ADGRB3: variants seen among roughly 807,000 people sequenced by gnomAD.
ADGRB3 encodes brain-specific angiogenesis inhibitor 3.
ADGRB3 carries 37 observed loss-of-function variants against 193.4 expected under a neutral mutation model. That is an observed-to-expected ratio of 0.19 (90% CI 0.15 to 0.25). ADGRB3 has a LOEUF of 0.25. ADGRB3 is among the 10% of genes least tolerant of loss of function. ADGRB3 has a pLI of 1.00. For missense variants in ADGRB3, 1,637 were observed against 1,852.9 expected, an observed-to-expected ratio of 0.88 and a Z score of 2.14; for synonymous variants, 690 against 644.2, an observed-to-expected ratio of 1.07 and a Z score of -1.08.
chr6:68,735,480 TA>T (rs1765853917), intron 3 of ADGRB3, among the ~76,000 whole-genome samples: 1 of 152,042 alleles, frequency 6.6e-6, no homozygotes, highest in Admixed American at 6.6e-5. Flanking sequence ...AAAAGATATC[TA>T]TTAATTTATT....
intron 20 of ADGRB3, among the ~76,000 whole-genome samples, chr6:69,305,261 C>A (rs1376225588): frequency 6.6e-6 from 1 of 151,552 alleles, no homozygotes; most frequent in Admixed American, 6.6e-5. Flanking sequence ...ATTTACTTAA[C>A]ACAAAGTTAA....
chr6:68,888,005 T>A (rs4706712), intron 3 of ADGRB3, among the ~76,000 whole-genome samples: 118,507 of 152,068 alleles, frequency 0.78, 46,722 homozygotes, highest in Middle Eastern at 0.84. Context: ...TATTGTGCTT[T>A]CTGCCAAAGT....
At chr6:69,339,548 G>A (rs763572962) in intron 26 of ADGRB3, 44 bp downstream of exon 26, 3 of 1,560,280 alleles carry the variant, frequency 1.9e-6, no homozygotes, top group Admixed American at 1.7e-5. Context: ...GGTTGGAATG[G>A]TATTTCCTTG....
intron 3 of ADGRB3, among the ~76,000 whole-genome samples, chr6:68,769,849 A>T (rs1766581756): frequency 6.6e-6 from 1 of 152,086 alleles, no homozygotes; most frequent in South Asian, 2.1e-4. Flanking sequence ...TCAGGTAAGA[A>T]CTCATATCTA....
intron 17 of ADGRB3, among the ~76,000 whole-genome samples, chr6:69,141,460 C>G (rs1304980414): frequency 6.6e-6 from 1 of 152,098 alleles, no homozygotes; most frequent in East Asian, 1.9e-4. Context: ...CAAAGAATGC[C>G]TCACTGAGAA....
chr6:69,242,052 A>G (rs1766395308), intron 20 of ADGRB3, among the ~76,000 whole-genome samples: 1 of 151,858 alleles, frequency 6.6e-6, no homozygotes, highest in African/African-American at 2.4e-5. Context: ...TAGGGGAAAT[A>G]ATCTTGTGTT....
At chr6:69,243,690 A>G (rs1474837319) in intron 20 of ADGRB3, among the ~76,000 whole-genome samples, 1 of 152,004 alleles carries the variant, frequency 6.6e-6, no homozygotes. Context: ...CTAATCTTTT[A>G]TATTTAGTTT....
intron 10 of ADGRB3, among the ~76,000 whole-genome samples, chr6:68,979,166 T>C (rs1358425833): frequency 6.6e-6 from 1 of 151,374 alleles, no homozygotes; most frequent in Non-Finnish European, 1.5e-5. Flanking sequence ...ACTAAGCATA[T>C]ACTATTAATA....
At chr6:68,887,535 A>AGTG (rs1271031199) in intron 3 of ADGRB3, among the ~76,000 whole-genome samples, 1 of 152,154 alleles carries the variant, frequency 6.6e-6, no homozygotes, top group Non-Finnish European at 1.5e-5. Flanking sequence ...TTATTAAAAT[A>AGTG]GTGGAGTTTC....
intron 3 of ADGRB3, among the ~76,000 whole-genome samples, chr6:68,660,076 T>C (rs1002841061): frequency 6.6e-6 from 1 of 150,944 alleles, no homozygotes; most frequent in African/African-American, 2.4e-5. Context: ...CAGATAATTA[T>C]GATAGAATGT....
intron 29 of ADGRB3, among the ~76,000 whole-genome samples, chr6:69,363,020 A>G (rs1418229753): frequency 3.3e-5 from 5 of 152,166 alleles, no homozygotes; most frequent in South Asian, 2.1e-4. Flanking sequence ...ATGGAACTGC[A>G]TGAAAATATT....
chr6:69,226,929 A>G (rs1766029646), intron 17 of ADGRB3, among the ~76,000 whole-genome samples: 2 of 152,220 alleles, frequency 1.3e-5, no homozygotes, highest in Admixed American at 1.3e-4. Context: ...CAAGTCACAC[A>G]TCATTTCCAC....
intron 3 of ADGRB3, among the ~76,000 whole-genome samples, chr6:68,702,895 G>A (rs1039631138): frequency 2.6e-5 from 4 of 152,104 alleles, no homozygotes; most frequent in African/African-American, 7.2e-5. Flanking sequence ...GGATACATAT[G>A]TATGTGGCTA....
intron 3 of ADGRB3, among the ~76,000 whole-genome samples, chr6:68,642,713 T>C (rs1485744685): frequency 1.4e-5 from 2 of 145,346 alleles, no homozygotes; most frequent in Non-Finnish European, 3.0e-5. Context: ...GCCAACTAAG[T>C]TAACAAAATG....
At chr6:68,681,260 C>G (rs2746141) in intron 3 of ADGRB3, among the ~76,000 whole-genome samples, 78,485 of 152,026 alleles carry the variant, frequency 0.52, 21,092 homozygotes, top group African/African-American at 0.67. Flanking sequence ...CATCATTGGG[C>G]ATCAAATTTC....
At chr6:68,842,650 AC>A (rs1768182125) in intron 3 of ADGRB3, among the ~76,000 whole-genome samples, 1 of 151,892 alleles carries the variant, frequency 6.6e-6, no homozygotes, top group Non-Finnish European at 1.5e-5. Context: ...AGGAGAGAAT[AC>A]TCTCATACTC....
At chr6:69,294,698 G>A (rs751663342) in intron 20 of ADGRB3, among the ~76,000 whole-genome samples, 3 of 152,128 alleles carry the variant, frequency 2.0e-5, no homozygotes, top group African/African-American at 4.8e-5. Context: ...TTCACATTTG[G>A]TTTCTTGATA....
chr6:68,991,670 C>A (rs1181998651), intron 10 of ADGRB3, among the ~76,000 whole-genome samples: 1 of 151,770 alleles, frequency 6.6e-6, no homozygotes, highest in Non-Finnish European at 1.5e-5. Flanking sequence ...CAGCAAATGG[C>A]GGGGAACGGG....
intron 11 of ADGRB3, among the ~76,000 whole-genome samples, chr6:69,000,151 G>A (rs920938531): frequency 2.0e-5 from 3 of 152,062 alleles, no homozygotes; most frequent in Non-Finnish European, 4.4e-5. Context: ...CTTCAGGCAT[G>A]TTACTTAATC....
Sources: allele counts gnomAD v4.1 joint callset (sites outside exome capture counted in the v4.1 genomes callset), GRCh38; gene constraint gnomAD v4.1.1; transcripts MANE v1.5; gene names NCBI Gene and HGNC (gene_info 2026-07-23, HGNC 2026-07-21).